The following ATRNL1 variants were observed in gnomAD, a reference collection of about 807,000 sequenced individuals.
ATRNL1 encodes attractin like 1, also known as attractin-like protein 1.
Under a neutral mutation model 182.7 loss-of-function variants are expected in ATRNL1, and 95 were observed. That is an observed-to-expected ratio of 0.52 (90% CI 0.44 to 0.62). ATRNL1 has a LOEUF of 0.62. ATRNL1 is among the 20% of genes least tolerant of loss of function. The probability of loss-of-function intolerance (pLI) is 0.00; values close to 1 mark genes in which losing one functional copy is unlikely to be tolerated. For synonymous variants in ATRNL1, 576 were observed against 568.3 expected, an observed-to-expected ratio of 1.01 and a Z score of -0.19; for missense variants, 1,471 against 1,679.5, an observed-to-expected ratio of 0.88 and a Z score of 2.17.
chr10:115,097,216 G>A (rs781839518), intron 1 of ATRNL1, among the ~76,000 whole-genome samples: 1 of 152,150 alleles, frequency 6.6e-6, no homozygotes, highest in Non-Finnish European at 1.5e-5. Context: ...GGGTGCCGTG[G>A]CTCAGGCCTG....
At chr10:115,895,224 C>T (rs1036440768) in intron 28 of ATRNL1, among the ~76,000 whole-genome samples, 4 of 152,128 alleles carry the variant, frequency 2.6e-5, no homozygotes, top group African/African-American at 7.2e-5. Flanking sequence ...TTTGCATGAT[C>T]TGAAATGAAA....
chr10:115,877,475 T>C (rs978169954), intron 28 of ATRNL1, among the ~76,000 whole-genome samples: 1 of 152,194 alleles, frequency 6.6e-6, no homozygotes, highest in African/African-American at 2.4e-5. Flanking sequence ...ATATGGAAGT[T>C]TGGGAAAGCC....
chr10:115,113,341 G>T (rs935468107), intron 1 of ATRNL1, among the ~76,000 whole-genome samples: 7 of 152,178 alleles, frequency 4.6e-5, no homozygotes, highest in African/African-American at 1.7e-4. Context: ...GGGCAATTTT[G>T]TGAGAGTTTC....
intron 19 of ATRNL1, among the ~76,000 whole-genome samples, chr10:115,384,078 T>G (rs1370442899): frequency 6.6e-6 from 1 of 152,002 alleles, no homozygotes; most frequent in Non-Finnish European, 1.5e-5. Flanking sequence ...ATTATCTTCA[T>G]TTCATATTTG....
chr10:115,183,689 C>T (rs564847618), intron 8 of ATRNL1, among the ~76,000 whole-genome samples: 4 of 151,534 alleles, frequency 2.6e-5, no homozygotes, highest in African/African-American at 7.2e-5. Flanking sequence ...GTGGAGAAAG[C>T]ACCAGGCCTA....
intron 19 of ATRNL1, among the ~76,000 whole-genome samples, chr10:115,359,140 A>G (rs1192716541): frequency 6.6e-6 from 1 of 151,634 alleles, no homozygotes; most frequent in East Asian, 1.9e-4. Flanking sequence ...TTGTGCCTCC[A>G]TGATTATTAC....
chr10:115,688,669 A>G (rs1447949795), intron 26 of ATRNL1, among the ~76,000 whole-genome samples: 1 of 151,884 alleles, frequency 6.6e-6, no homozygotes, highest in Non-Finnish European at 1.5e-5. Flanking sequence ...GTTTTTTTTG[A>G]AACTGTTGAG....
intron 10 of ATRNL1, among the ~76,000 whole-genome samples, chr10:115,249,541 C>T (rs534952956): frequency 5.3e-5 from 8 of 151,988 alleles, no homozygotes; most frequent in South Asian, 2.1e-4. Context: ...GGTATAGTAC[C>T]GTTTGCTCAA....
chr10:115,361,323 A>T (rs558347338), intron 19 of ATRNL1, among the ~76,000 whole-genome samples: 1 of 151,944 alleles, frequency 6.6e-6, no homozygotes, highest in East Asian at 1.9e-4. Context: ...GTATGTATGT[A>T]TGTGTGTAAT....
chr10:115,448,854 C>CAACAACAA (rs1847142999), intron 21 of ATRNL1, among the ~76,000 whole-genome samples: 1 of 150,104 alleles, frequency 6.7e-6, no homozygotes, highest in African/African-American at 2.5e-5. Flanking sequence ...AGCGTGCCAA[C>CAACAACAA]CAACAACAAC....
intron 26 of ATRNL1, among the ~76,000 whole-genome samples, chr10:115,593,836 A>G (rs1856062562): frequency 6.6e-6 from 1 of 152,110 alleles, no homozygotes; most frequent in Non-Finnish European, 1.5e-5. Context: ...TTTTGCTTAC[A>G]CTTATTATCA....
chr10:115,330,585 T>C (rs1554934749), intron 18 of ATRNL1, among the ~76,000 whole-genome samples: 1 of 151,958 alleles, frequency 6.6e-6, no homozygotes, highest in African/African-American at 2.4e-5. Context: ...TGTCTTTGAA[T>C]ATGTCATCCC....
At chr10:115,770,857 A>T (rs1477089222) in intron 27 of ATRNL1, among the ~76,000 whole-genome samples, 1 of 152,174 alleles carries the variant, frequency 6.6e-6, no homozygotes, top group East Asian at 1.9e-4. Context: ...TTCTCATTAT[A>T]CCTACATGTT....
intron 26 of ATRNL1, among the ~76,000 whole-genome samples, chr10:115,652,105 T>A (rs1706779784): frequency 6.6e-6 from 1 of 152,138 alleles, no homozygotes. Context: ...TCCTAAATAA[T>A]TGTTAGTAAA....
chr10:115,694,272 A>G (rs1178715149), intron 26 of ATRNL1, among the ~76,000 whole-genome samples: 2 of 151,976 alleles, frequency 1.3e-5, no homozygotes, highest in Non-Finnish European at 2.9e-5. Context: ...AAATATGTTC[A>G]TATTTATAGT....
At chr10:115,285,774 A>G (rs1852582402) in intron 14 of ATRNL1, among the ~76,000 whole-genome samples, 1 of 152,130 alleles carries the variant, frequency 6.6e-6, no homozygotes, top group South Asian at 2.1e-4. Flanking sequence ...CCTGAGCTAT[A>G]GAAATTAGAT....
chr10:115,554,952 G>A (rs188561215), intron 26 of ATRNL1, among the ~76,000 whole-genome samples: 14 of 151,524 alleles, frequency 9.2e-5, no homozygotes, highest in Admixed American at 4.6e-4. Context: ...ATGTAGTCTC[G>A]CTAACCACAA....
intron 26 of ATRNL1, among the ~76,000 whole-genome samples, chr10:115,588,203 T>C (rs2133908771): frequency 6.6e-6 from 1 of 152,256 alleles, no homozygotes; most frequent in East Asian, 1.9e-4. Flanking sequence ...TAGACTGTCC[T>C]CCCTTCTCAT....
At chr10:115,303,445 A>ACTCCTGACCTCATGATCCAC (rs1192148292) in intron 17 of ATRNL1, among the ~76,000 whole-genome samples, 10 of 151,326 alleles carry the variant, frequency 6.6e-5, no homozygotes, top group East Asian at 2.0e-4. Context: ...CTGATCTCGA[A>ACTCCTGACCTCATGATCCAC]CTCCTGACCT....
Sources: gnomAD v4.1 joint callset for allele counts (sites outside exome capture counted in the v4.1 genomes callset) on GRCh38, gnomAD v4.1.1 for gene constraint, MANE v1.5 for transcripts, NCBI Gene and HGNC (gene_info 2026-07-23, HGNC 2026-07-21) for gene names.